The following GALNT11 variants were observed in gnomAD, a reference collection of about 807,000 sequenced individuals.
GALNT11 encodes the protein polypeptide N-acetylgalactosaminyltransferase 11.
Under a neutral mutation model 72.7 loss-of-function variants are expected in GALNT11, and 47 were observed. The observed-to-expected ratio is 0.65, with a 90% CI of 0.51 to 0.82. The LOEUF (loss-of-function observed/expected upper bound fraction) is 0.82. GALNT11 is among the 40% of genes least tolerant of loss of function. The pLI, the probability that GALNT11 is intolerant of heterozygous loss-of-function variation, is 0.00. For synonymous variants in GALNT11, 270 were observed against 286.6 expected (o/e 0.94, Z 0.58); for missense variants, 677 against 778.4 (o/e 0.87, Z 1.55).
intron 2 of GALNT11, among the ~76,000 whole-genome samples, chr7:152,097,160 A>G (rs935179924): frequency 2.0e-5 from 3 of 152,200 alleles, no homozygotes; most frequent in African/African-American, 7.2e-5. Flanking sequence ...TAATAAAAAG[A>G]CAAATGGCAC....
intron 10 of GALNT11, chr7:152,120,581 T>TAA (rs1232359433): frequency 9.5e-6 from 4 of 420,532 alleles, no homozygotes; most frequent in African/African-American, 8.2e-5. Flanking sequence ...GGAAAAGAGT[T>TAA]AATTCAGTCA....
At chr7:152,118,577 C>A in intron 9 of GALNT11, 101 bp from the exon 10 acceptor site, 2 of 924,934 alleles carry the variant, frequency 2.2e-6, no homozygotes, top group Admixed American at 2.6e-5. Context: ...GGAATTCGTA[C>A]CTCCGGAATA....
At chr7:152,067,384 T>A (rs868100209) in intron 1 of GALNT11, among the ~76,000 whole-genome samples, 12 of 152,238 alleles carry the variant, frequency 7.9e-5, no homozygotes, top group Admixed American at 2.6e-4. Context: ...TGGAATTCTG[T>A]GTGGAGATCT....
In GALNT11 at chr7:152,122,076, A is replaced by G. The variant is rs1287812492; in HGVS notation, c.*399A>G. 1.9e-5 allele frequency: 3 copies of G among 158,016 alleles called. No individual in the cohort carries two copies. Among genetic ancestry groups the G allele is most frequent in the African/African-American group, 7.2e-5 (3 of 41,506 alleles). 9.8% of individuals were successfully genotyped at this position (158,016 alleles called of 1,614,324 possible). A position where few individuals can be genotyped will look rare whatever the true frequency, so the allele number is the denominator to read the frequency against. ...TCAGATTTATTTATGCCTCTTTTTA[A>G]TCCCCTTTAATGATGCAGTGGTTTT... On this transcript the variant is annotated 3_prime_UTR_variant, in exon 12 of 12. Transcript: ENST00000430044.
intron 1 of GALNT11, among the ~76,000 whole-genome samples, chr7:152,035,108 T>G (rs1042270470): frequency 6.6e-6 from 1 of 152,176 alleles, no homozygotes; most frequent in African/African-American, 2.4e-5. Flanking sequence ...AAGAATGTCA[T>G]TTCTGAAGCT....
chr7:152,091,971 G>A (rs1247731457), intron 1 of GALNT11, among the ~76,000 whole-genome samples: 2 of 152,174 alleles, frequency 1.3e-5, no homozygotes, highest in African/African-American at 2.4e-5. Flanking sequence ...GGGCCAAGCA[G>A]CCCATGGTGG....
In GALNT11 at chr7:152,120,972, A is replaced by G; in HGVS notation, c.1695+4A>G. ...ATCCCAGCAGTGGACCTTTGGGGTG[A>G]GGAGTGCTCGGTGATGTTGGGAGAA... On this transcript the variant is annotated splice_donor_region_variant and intron_variant, in intron 11 of 11. Transcript: ENST00000430044. 6.2e-7 allele frequency: 1 copy of G among 1,612,286 alleles called. No homozygotes were observed. Among genetic ancestry groups the G allele is most frequent in the South Asian group, 1.1e-5 (1 of 90,884 alleles).
In GALNT11 at chr7:152,103,293, A is replaced by T. The variant is rs1563073793; in HGVS notation, c.586+15A>T. On this transcript the variant is annotated intron_variant, in intron 4 of 11. Coordinates refer to ENST00000430044, the MANE Select transcript of GALNT11 (RefSeq NM_022087.4). ...TAGTGACTTTGGTAAGGAATGCTGC[A>T]CCTGGTAACATTGGATCCAGGCTGT... 6.2e-7 allele frequency: 1 copy of T among 1,608,150 alleles called. No individual in the cohort carries two copies. The highest frequency in any genetic ancestry group is 8.5e-7 in the Non-Finnish European group (1 of 1,175,546).
At chr7:152,026,396 A>G (rs2082016387) in intron 1 of GALNT11, among the ~76,000 whole-genome samples, 2 of 152,240 alleles carry the variant, frequency 1.3e-5, no homozygotes, top group Admixed American at 1.3e-4. Context: ...ACAGCTGCAA[A>G]GATAAAAAGC....
At chr7:152,030,590 C>T (rs1300040271) in intron 1 of GALNT11, among the ~76,000 whole-genome samples, 1 of 152,178 alleles carries the variant, frequency 6.6e-6, no homozygotes, top group Non-Finnish European at 1.5e-5. Context: ...TGGCTTGCCG[C>T]CCACAATAGG....
intron 1 of GALNT11, among the ~76,000 whole-genome samples, chr7:152,029,095 C>T (rs2082183123): frequency 6.6e-6 from 1 of 151,706 alleles, no homozygotes; most frequent in South Asian, 2.1e-4. Context: ...TGTTGGGTGG[C>T]ATCTCATACT....
chr7:152,070,980 G>T (rs2084605484), intron 1 of GALNT11, among the ~76,000 whole-genome samples: 1 of 152,174 alleles, frequency 6.6e-6, no homozygotes, highest in Non-Finnish European at 1.5e-5. Flanking sequence ...AAGGGGAAGG[G>T]AGTGTGCAAA....
chr7:152,079,706 C>G (rs1166519540), intron 1 of GALNT11, among the ~76,000 whole-genome samples: 1 of 152,146 alleles, frequency 6.6e-6, no homozygotes, highest in Non-Finnish European at 1.5e-5. Context: ...ATGTTTTCTT[C>G]TAGCTTTCTG....
chr7:152,038,169 G>A (rs866669925), intron 1 of GALNT11, among the ~76,000 whole-genome samples: 7 of 152,124 alleles, frequency 4.6e-5, no homozygotes, highest in South Asian at 4.1e-4. Context: ...ACCCAGCGGC[G>A]CTAGAGGAAT....
intron 5 of GALNT11, among the ~76,000 whole-genome samples, chr7:152,106,339 C>T (rs2087548826): frequency 6.6e-6 from 1 of 152,190 alleles, no homozygotes; most frequent in African/African-American, 2.4e-5. Flanking sequence ...TGCTCACCAC[C>T]ACTCCCCCTG....
intron 2 of GALNT11, 43 bp from the exon 3 acceptor site, chr7:152,100,755 A>G: frequency 1.9e-6 from 3 of 1,605,164 alleles, no homozygotes; most frequent in Non-Finnish European, 2.6e-6. Context: ...GTAACATGAT[A>G]CTTTCTAGAT....
intron 1 of GALNT11, among the ~76,000 whole-genome samples, chr7:152,053,384 A>C (rs541347060): frequency 6.6e-6 from 1 of 152,304 alleles, no homozygotes; most frequent in Middle Eastern, 3.4e-3. Context: ...GCAGTTTCCC[A>C]AGACTTGAAC....
intron 1 of GALNT11, among the ~76,000 whole-genome samples, chr7:152,093,180 G>A (rs1262957495): frequency 6.7e-6 from 1 of 149,716 alleles, no homozygotes; most frequent in African/African-American, 2.5e-5. Context: ...AGTGAGCCAA[G>A]ATCCCACCAC....
intron 1 of GALNT11, among the ~76,000 whole-genome samples, chr7:152,039,364 A>G (rs184657338): frequency 6.6e-6 from 1 of 152,304 alleles, no homozygotes; most frequent in East Asian, 1.9e-4. Flanking sequence ...CTGAGATCAG[A>G]AAGCATGTGT....
Sources: allele counts gnomAD v4.1 joint callset (sites outside exome capture counted in the v4.1 genomes callset), GRCh38; gene constraint gnomAD v4.1.1; transcripts MANE v1.5; gene names NCBI Gene and HGNC (gene_info 2026-07-23, HGNC 2026-07-21).